The following YY1AP1 variants were observed in gnomAD, a reference collection of about 807,000 sequenced individuals.
YY1AP1 encodes the protein YY1 associated protein 1.
YY1AP1 carries 43 observed loss-of-function variants against 39.9 expected under a neutral mutation model. The observed-to-expected ratio is 1.08, with a 90% CI of 0.84 to 1.39. The LOEUF is 1.39. Ranked by LOEUF, YY1AP1 falls within the 40% of genes most tolerant of loss-of-function variation. The probability of loss-of-function intolerance (pLI) is 0.00; values close to 1 mark genes in which losing one functional copy is unlikely to be tolerated. For synonymous variants in YY1AP1, 292 were observed against 331.3 expected, an observed-to-expected ratio of 0.88 and a Z score of 1.29; for missense variants, 813 against 900.7, an observed-to-expected ratio of 0.90 and a Z score of 1.25.
intron 5 of YY1AP1, 93 bp from the exon 6 acceptor site, chr1:155,675,189 C>T (rs1416375721): frequency 8.6e-6 from 10 of 1,163,304 alleles, no homozygotes; most frequent in Non-Finnish European, 1.3e-5. Context: ...GAGACAGGGT[C>T]TTGCTCTGTC....
At position 155,660,059 on chromosome 1, in the gene YY1AP1, A is replaced by T. The variant is rs377640210; in HGVS notation, c.1851T>A (p.Ile617=). The T allele has an allele frequency of 1.9e-6, 3 of 1,614,106 alleles. No individual in the cohort carries two copies. The highest frequency in any genetic ancestry group is 2.5e-6 in the Non-Finnish European group (3 of 1,180,058). Residue 617 remains isoleucine, a synonymous_variant, in exon 11 of 11, where the codon ATT becomes ATA. Coordinates refer to ENST00000355499, the MANE Select transcript of YY1AP1 (RefSeq NM_139119.3). The stretch of plus-strand genomic sequence containing the variant: ...GAAGATTCACAGAATTGCCAGAAAC[A>T]ATTAAGGGTGAGACAGAGGAGGCCA... ...PLVASSVSPL[I]VSGNSVNLPI...
chr1:155,682,879 A>G (rs1354390202), intron 2 of YY1AP1, among the ~76,000 whole-genome samples: 1 of 151,552 alleles, frequency 6.6e-6, no homozygotes, highest in East Asian at 2.0e-4. Flanking sequence ...TGAGGTCAGG[A>G]GTTCGAGACC....
chr1:155,669,401 A>C (rs1322973365), intron 8 of YY1AP1, among the ~76,000 whole-genome samples: 1 of 152,178 alleles, frequency 6.6e-6, no homozygotes, highest in African/African-American at 2.4e-5. Flanking sequence ...ACTCAGTAGA[A>C]AATTTCAGGT....
At position 155,659,615 on chromosome 1, in the gene YY1AP1, CGAAGT is replaced by C. The variant is rs1343357019; in HGVS notation, c.*37_*41del. 2 of 1,608,664 alleles carry C rather than the reference CGAAGT, an allele frequency of 1.2e-6. No individual in the cohort carries two copies. Among genetic ancestry groups the C allele is most frequent in the African/African-American group, 2.7e-5 (2 of 74,624 alleles). ...ACCCTATGCGCCACCAATCGGAGGC[CGAAGT>C]GAAGGCTCCCAGTCTCCAGACTCTT... On this transcript the variant is annotated 3_prime_UTR_variant, in exon 11 of 11. Coordinates refer to ENST00000355499, the MANE Select transcript of YY1AP1 (RefSeq NM_139119.3).
At chr1:155,667,762 C>T (rs894835405) in intron 9 of YY1AP1, among the ~76,000 whole-genome samples, 1 of 152,000 alleles carries the variant, frequency 6.6e-6, no homozygotes, top group African/African-American at 2.4e-5. Flanking sequence ...GCAGAGGTTG[C>T]AGTCAGCCAA....
At chr1:155,688,358 TC>T in intron 1 of YY1AP1, 157 bp from the exon 2 acceptor site, 1 of 1,547,190 alleles carries the variant, frequency 6.5e-7, no homozygotes, top group Admixed American at 2.0e-5. Flanking sequence ...CCGCGGCAGC[TC>T]CTCCAGAGGG....
intron 9 of YY1AP1, 39 bp downstream of exon 9, chr1:155,668,588 T>C (rs1649399743): frequency 1.2e-6 from 2 of 1,614,102 alleles, no homozygotes; most frequent in Non-Finnish European, 1.7e-6. Context: ...AGATATGTGT[T>C]GGTGAGGTGC....
intron 7 of YY1AP1, 71 bp from the exon 8 acceptor site, chr1:155,670,535 A>G: frequency 6.4e-7 from 1 of 1,563,612 alleles, no homozygotes; most frequent in Non-Finnish European, 8.8e-7. Flanking sequence ...CTGTGAATGC[A>G]TTTTTGCATT....
At chr1:155,677,954 A>G (rs1033606504) in intron 4 of YY1AP1, among the ~76,000 whole-genome samples, 7 of 152,310 alleles carry the variant, frequency 4.6e-5, no homozygotes, top group African/African-American at 1.4e-4. Flanking sequence ...CTATGGACTT[A>G]CAGAGGGATT....
chr1:155,667,268 C>G (rs1649143842), intron 9 of YY1AP1, among the ~76,000 whole-genome samples: 1 of 151,914 alleles, frequency 6.6e-6, no homozygotes, highest in African/African-American at 2.4e-5. Context: ...GGAGGCCGAG[C>G]TGAGGCAAGA....
At chr1:155,686,318 AGTGCTGG>A (rs1233528346) in intron 2 of YY1AP1, among the ~76,000 whole-genome samples, 3 of 152,002 alleles carry the variant, frequency 2.0e-5, no homozygotes, top group Non-Finnish European at 4.4e-5. Context: ...GGCCTCCCAA[AGTGCTGG>A]GATTACAGGT....
chr1:155,668,889 GGTC>G, intron 8 of YY1AP1, 112 bp from the exon 9 acceptor site: 1 of 1,509,156 alleles, frequency 6.6e-7, no homozygotes. Flanking sequence ...CTTAAAACAA[GGTC>G]TCACTCTGTC....
At chr1:155,665,516 T>C (rs1648850557) in intron 9 of YY1AP1, among the ~76,000 whole-genome samples, 1 of 151,754 alleles carries the variant, frequency 6.6e-6, no homozygotes, top group Admixed American at 6.6e-5. Context: ...GGAGAATTGC[T>C]TGAACCCGGG....
At chr1:155,687,583 T>C (rs1652650767) in intron 2 of YY1AP1, among the ~76,000 whole-genome samples, 1 of 143,644 alleles carries the variant, frequency 7.0e-6, no homozygotes, top group South Asian at 2.1e-4. Context: ...AACATCTCTT[T>C]CCATGTACAA....
intron 8 of YY1AP1, among the ~76,000 whole-genome samples, chr1:155,669,386 T>C (rs1006490344): frequency 6.6e-6 from 1 of 152,186 alleles, no homozygotes; most frequent in African/African-American, 2.4e-5. Flanking sequence ...TACAAGTTGG[T>C]GACTACTCAG....
At position 155,688,130 on chromosome 1, in the gene YY1AP1, A is replaced by G; in HGVS notation, c.-80T>C. The G allele has an allele frequency of 6.2e-7, 1 of 1,612,456 alleles. No individual in the cohort carries two copies. The highest frequency in any genetic ancestry group is 8.5e-7 in the Non-Finnish European group (1 of 1,178,872). ...AAGTGAGGAAGAGGGGGTGGCCGCC[A>G]GGCTCCTCCGCTTCCCTGGGTCCAC... On this transcript the variant is annotated 5_prime_UTR_variant, in exon 2 of 11. Coordinates refer to ENST00000355499, the MANE Select transcript of YY1AP1 (RefSeq NM_139119.3).
At position 155,659,966 on chromosome 1, in the gene YY1AP1, C is replaced by T; in HGVS notation, c.1944G>A (p.Gly648=). Residue 648 remains glycine (G), a synonymous_variant, in exon 11 of 11, where the codon GGG becomes GGA. Coordinates refer to ENST00000355499, the MANE Select transcript of YY1AP1 (RefSeq NM_139119.3). ...NVDIACAVAD[G]ENAFQGLEPK... is the part of the protein sequence containing the mutation. ...GTTCTAGGCCCTGAAAGGCATTTTC[C>T]CCATCAGCCACAGCACAAGCAATGT... is the stretch of plus-strand genomic sequence containing the variant. 2 of 1,614,184 alleles carry T rather than the reference C, an allele frequency of 1.2e-6. No individual in the cohort carries two copies. Among genetic ancestry groups the T allele is most frequent in the South Asian group, 1.1e-5 (1 of 91,080 alleles).
intron 4 of YY1AP1, among the ~76,000 whole-genome samples, chr1:155,678,001 T>C (rs1205922493): frequency 6.6e-6 from 1 of 152,232 alleles, no homozygotes; most frequent in Non-Finnish European, 1.5e-5. Flanking sequence ...AACAGGTTTG[T>C]ATTTGCAATC....
At position 155,668,791 on chromosome 1, in the gene YY1AP1, A is replaced by G; in HGVS notation, c.729-14T>C. On this transcript the variant is annotated splice_polypyrimidine_tract_variant and intron_variant, in intron 8 of 10. Transcript: ENST00000355499. ...AAAGCTAACAAACTGAGAAAGGAGCAATAACACTAAATCTCACTTCACAGT... is the reference window on the plus strand; with the variant it reads ...AAAGCTAACAAACTGAGAAAGGAGCGATAACACTAAATCTCACTTCACAGT... 1.2e-6 allele frequency: 2 copies of G among 1,614,170 alleles called. No homozygotes were observed. The highest frequency in any genetic ancestry group is 1.7e-6 in the Non-Finnish European group (2 of 1,180,010).
Sources: gnomAD v4.1 joint callset for allele counts (sites outside exome capture counted in the v4.1 genomes callset) on GRCh38, gnomAD v4.1.1 for gene constraint, MANE v1.5 for transcripts, NCBI Gene and HGNC (gene_info 2026-07-23, HGNC 2026-07-21) for gene names.